Variants in FERMT2 observed in about 807,000 individuals in gnomAD.
The protein encoded by FERMT2 is fermitin family homolog 2.
In FERMT2, 15 loss-of-function variants were observed where a neutral mutation model predicts 82.7. The observed-to-expected ratio is 0.18, with a 90% CI of 0.12 to 0.28. The LOEUF (loss-of-function observed/expected upper bound fraction) is 0.28. Ranked by LOEUF, FERMT2 falls within the 10% of genes least tolerant of loss-of-function variation. The probability of loss-of-function intolerance (pLI) is 1.00; values close to 1 mark genes in which losing one functional copy is unlikely to be tolerated. For missense variants in FERMT2, 645 were observed against 809.4 expected, an observed-to-expected ratio of 0.80 and a Z score of 2.46; for synonymous variants, 274 against 271.5, an observed-to-expected ratio of 1.01 and a Z score of -0.09.
At chr14:52,884,869 G>A (rs929669423) in intron 4 of FERMT2, among the ~76,000 whole-genome samples, 3 of 150,290 alleles carry the variant, frequency 2.0e-5, no homozygotes, top group African/African-American at 7.4e-5. Flanking sequence ...GGGTGTGGTG[G>A]TGCACGCCTA....
chr14:52,873,906 C>A (rs1885790614), intron 9 of FERMT2, among the ~76,000 whole-genome samples: 1 of 151,498 alleles, frequency 6.6e-6, no homozygotes, highest in African/African-American at 2.4e-5. Context: ...CACTGTATTA[C>A]TATGTTTCAG....
At chr14:52,889,664 C>G (rs1026185746) in intron 4 of FERMT2, among the ~76,000 whole-genome samples, 2 of 151,836 alleles carry the variant, frequency 1.3e-5, no homozygotes, top group Admixed American at 1.3e-4. Context: ...CTCATACAGG[C>G]CTGGATGGTA....
At chr14:52,902,126 C>T (rs1005970995) in intron 3 of FERMT2, among the ~76,000 whole-genome samples, 22 of 152,332 alleles carry the variant, frequency 1.4e-4, no homozygotes, top group African/African-American at 5.1e-4. Context: ...GGCACGGTGG[C>T]TTACGCCTGT....
rs761377675 is a variant in FERMT2, at chr14:52,864,861, A to G, written c.1274-8T>C. ...CTGGGGTAACTTCACATCCTGTAAC[A>G]AAAAATTTTTATTAAAATGGCTAAA... On this transcript the variant is annotated splice_polypyrimidine_tract_variant and splice_region_variant and intron_variant, in intron 10 of 14. Coordinates refer to ENST00000341590, the MANE Select transcript of FERMT2 (RefSeq NM_006832.3). 25 of 1,511,934 alleles carry G rather than the reference A, an allele frequency of 1.7e-5. No individual in the cohort carries two copies. In the Admixed American group the frequency reaches 4.7e-4, roughly 28 times the overall value. The allele number at this position is 1,511,934 out of a possible 1,614,324, so 93.7% of individuals were successfully genotyped here. A position where few individuals can be genotyped will look rare whatever the true frequency, so the allele number is the denominator to read the frequency against.
intron 4 of FERMT2, among the ~76,000 whole-genome samples, chr14:52,882,718 T>TA (rs1297974935): frequency 1.3e-5 from 2 of 152,072 alleles, no homozygotes; most frequent in Non-Finnish European, 2.9e-5. Flanking sequence ...CATGCAATGA[T>TA]AGAAACACTG....
intron 3 of FERMT2, among the ~76,000 whole-genome samples, chr14:52,913,618 A>G (rs945140313): frequency 2.0e-5 from 3 of 151,814 alleles, no homozygotes; most frequent in Non-Finnish European, 4.4e-5. Context: ...CATTTTGGAA[A>G]TGTCATAAGA....
chr14:52,922,372 G>C (rs1358704811), intron 2 of FERMT2, among the ~76,000 whole-genome samples: 3 of 152,124 alleles, frequency 2.0e-5, no homozygotes, highest in Non-Finnish European at 4.4e-5. Context: ...CTAAGGAAAA[G>C]AGCTTGTCAG....
chr14:52,859,497 A>G (rs1214470135), intron 14 of FERMT2, 76 bp downstream of exon 14: 2 of 1,267,810 alleles, frequency 1.6e-6, no homozygotes, highest in Non-Finnish European at 2.1e-6. Flanking sequence ...ATCAGAATTT[A>G]TAGGCCTTTT....
intron 3 of FERMT2, among the ~76,000 whole-genome samples, chr14:52,915,203 G>A (rs1484182236): frequency 6.6e-6 from 1 of 152,066 alleles, no homozygotes; most frequent in Non-Finnish European, 1.5e-5. Context: ...TTCATGAATG[G>A]TAAGATCTAC....
At chr14:52,923,601 C>G (rs930473814) in intron 2 of FERMT2, among the ~76,000 whole-genome samples, 2 of 151,846 alleles carry the variant, frequency 1.3e-5, no homozygotes, top group Admixed American at 1.3e-4. Flanking sequence ...AATTCCACCT[C>G]AGTTTCTCAT....
intron 2 of FERMT2, among the ~76,000 whole-genome samples, chr14:52,931,186 A>T (rs1327175772): frequency 6.6e-6 from 1 of 152,238 alleles, no homozygotes; most frequent in Non-Finnish European, 1.5e-5. Flanking sequence ...ATGGAATATA[A>T]AAATTAATAA....
chr14:52,884,341 C>T (rs1167089219), intron 4 of FERMT2, among the ~76,000 whole-genome samples: 1 of 152,214 alleles, frequency 6.6e-6, no homozygotes, highest in Non-Finnish European at 1.5e-5. Flanking sequence ...GTGGCTCAAG[C>T]CTGTAATCCC....
At chr14:52,918,858 G>A (rs1040953562) in intron 3 of FERMT2, among the ~76,000 whole-genome samples, 1 of 152,156 alleles carries the variant, frequency 6.6e-6, no homozygotes, top group Admixed American at 6.6e-5. Context: ...AATAGTGCCT[G>A]TTCCTTTAAC....
At position 52,858,736 on chromosome 14, in the gene FERMT2, C is replaced by G. The variant is rs1451951930; in HGVS notation, c.1870-186G>C. ...CAAAGAAGAAGCTAAGTTTATTGCC[C>G]TTCCCCTACACTTTAAGTTTTCATG... On this transcript the variant is annotated intron_variant, in intron 14 of 14. Transcript: ENST00000341590. The G allele has an allele frequency of 9.3e-6, 5 of 538,532 alleles. No homozygotes were observed. In the East Asian group the frequency reaches 1.4e-4, roughly 16 times the overall value. 33.4% of individuals were successfully genotyped at this position (538,532 alleles called of 1,614,324 possible). A position where few individuals can be genotyped will look rare whatever the true frequency, so the allele number is the denominator to read the frequency against.
intron 2 of FERMT2, chr14:52,927,990 T>A (rs115478528): frequency 0.015 from 5,645 of 378,312 alleles, 152 homozygotes; most frequent in East Asian, 0.073. Flanking sequence ...AATTCTTTTT[T>A]AAAAAAAGAA....
At chr14:52,878,319 GATA>G (rs1886091399) in intron 7 of FERMT2, among the ~76,000 whole-genome samples, 1 of 152,134 alleles carries the variant, frequency 6.6e-6, no homozygotes, top group Non-Finnish European at 1.5e-5. Context: ...GGGGTGAGAG[GATA>G]ATTTTTTTCC....
At chr14:52,886,951 G>A (rs1886648471) in intron 4 of FERMT2, among the ~76,000 whole-genome samples, 1 of 152,018 alleles carries the variant, frequency 6.6e-6, no homozygotes. Flanking sequence ...AAATATATGA[G>A]GTCCATCAGT....
intron 2 of FERMT2, among the ~76,000 whole-genome samples, chr14:52,942,316 T>G (rs1359486481): frequency 6.6e-6 from 1 of 151,050 alleles, no homozygotes; most frequent in Non-Finnish European, 1.5e-5. Context: ...CTTTTTTTTT[T>G]TTTTGAGATG....
intron 3 of FERMT2, among the ~76,000 whole-genome samples, chr14:52,916,759 T>G (rs924386224): frequency 2.0e-5 from 3 of 152,126 alleles, no homozygotes; most frequent in Non-Finnish European, 4.4e-5. Context: ...ACTTTGAGAG[T>G]AGGGAAGGTT....
Sources: allele counts gnomAD v4.1 joint callset (sites outside exome capture counted in the v4.1 genomes callset), GRCh38; gene constraint gnomAD v4.1.1; transcripts MANE v1.5; gene names NCBI Gene and HGNC (gene_info 2026-07-23, HGNC 2026-07-21).